Variants in ARID4B observed in about 807,000 individuals in gnomAD.
ARID4B encodes AT-rich interactive domain-containing protein 4B.
A neutral mutation model predicts 147.5 loss-of-function variants in ARID4B; 26 were observed. The observed-to-expected ratio is 0.18, with a 90% CI of 0.13 to 0.24. The LOEUF (loss-of-function observed/expected upper bound fraction) is 0.24, where lower values mean the gene tolerates loss of function less well. Ranked by LOEUF, ARID4B falls within the 10% of genes least tolerant of loss-of-function variation. The probability of loss-of-function intolerance (pLI) is 1.00; values close to 1 mark genes in which losing one functional copy is unlikely to be tolerated. For missense variants in ARID4B, 1,179 were observed against 1,511.5 expected (o/e 0.78, Z 3.65); for synonymous variants, 512 against 507.9 (o/e 1.01, Z -0.11).
At chr1:235,278,760 T>C (rs1039546743) in intron 2 of ARID4B, among the ~76,000 whole-genome samples, 2 of 152,194 alleles carry the variant, frequency 1.3e-5, no homozygotes, top group African/African-American at 4.8e-5. Context: ...AATGAAGTCT[T>C]CAATTGTCCT....
chr1:235,321,182 T>G (rs1383005889), intron 2 of ARID4B, among the ~76,000 whole-genome samples: 1 of 152,352 alleles, frequency 6.6e-6, no homozygotes, highest in South Asian at 2.1e-4. Flanking sequence ...CCTAGTATTT[T>G]TTTTAATTAC....
At chr1:235,178,031 T>C (rs7534107) in intron 20 of ARID4B, 118 bp from the exon 21 acceptor site, 57,651 of 511,950 alleles carry the variant, frequency 0.11, 3,851 homozygotes, top group African/African-American at 0.2. Context: ...TTATGACATT[T>C]ATAAGTTGTC....
intron 2 of ARID4B, among the ~76,000 whole-genome samples, chr1:235,313,399 T>C (rs1412515710): frequency 3.3e-5 from 5 of 152,134 alleles, no homozygotes; most frequent in Admixed American, 6.5e-5. Context: ...TTGACAGCAA[T>C]AGTGGCTCCT....
chr1:235,171,861 C>T (rs1457551841), intron 23 of ARID4B, among the ~76,000 whole-genome samples: 2 of 152,086 alleles, frequency 1.3e-5, no homozygotes, highest in African/African-American at 4.8e-5. Flanking sequence ...AAGCTGGTCT[C>T]GACCTCCTGA....
chr1:235,229,882 C>T (rs151042192), intron 10 of ARID4B, among the ~76,000 whole-genome samples: 170 of 152,278 alleles, frequency 1.1e-3, no homozygotes, highest in African/African-American at 3.9e-3. Flanking sequence ...ATTAGCTAGA[C>T]ACAATTATTC....
intron 16 of ARID4B, 92 bp from the exon 17 acceptor site, chr1:235,214,118 T>C: frequency 6.8e-7 from 1 of 1,462,880 alleles, no homozygotes. Context: ...GTTGTGGCTG[T>C]GATTGTTCCA....
chr1:235,242,549 G>A (rs1269151010), intron 7 of ARID4B, among the ~76,000 whole-genome samples: 1 of 151,986 alleles, frequency 6.6e-6, no homozygotes, highest in Non-Finnish European at 1.5e-5. Flanking sequence ...TTCAGCTAGG[G>A]GTTTATGAAC....
chr1:235,326,130 G>A (rs1675225866), intron 2 of ARID4B, among the ~76,000 whole-genome samples: 1 of 151,004 alleles, frequency 6.6e-6, no homozygotes, highest in South Asian at 2.1e-4. Context: ...AAAATCTAAG[G>A]TTTTATTCTA....
At chr1:235,193,110 C>A (rs7512798) in intron 19 of ARID4B, among the ~76,000 whole-genome samples, 69,173 of 150,284 alleles carry the variant, frequency 0.46, 16,251 homozygotes, top group South Asian at 0.61. Context: ...AAAAAAAAAG[C>A]AGTCAGTCCA....
intron 6 of ARID4B, among the ~76,000 whole-genome samples, chr1:235,251,658 TATTA>T (rs1669654105): frequency 6.6e-6 from 1 of 151,736 alleles, no homozygotes; most frequent in Non-Finnish European, 1.5e-5. Flanking sequence ...ATTAAAGTAA[TATTA>T]AAGTAATAAA....
chr1:235,204,481 G>A (rs1195382470), intron 17 of ARID4B, among the ~76,000 whole-genome samples: 1 of 152,074 alleles, frequency 6.6e-6, no homozygotes, highest in Non-Finnish European at 1.5e-5. Context: ...TTATAGCATA[G>A]TCATATTTAA....
chr1:235,184,746 T>G (rs1448674335), intron 19 of ARID4B, among the ~76,000 whole-genome samples: 1 of 152,234 alleles, frequency 6.6e-6, no homozygotes, highest in East Asian at 1.9e-4. Flanking sequence ...AAATCTGTTT[T>G]TCCACCTCCA....
chr1:235,187,686 G>A (rs1400227353), intron 19 of ARID4B, among the ~76,000 whole-genome samples: 3 of 151,886 alleles, frequency 2.0e-5, no homozygotes, highest in East Asian at 3.9e-4. Flanking sequence ...ACTCACAAGG[G>A]GCATCAAATT....
intron 2 of ARID4B, among the ~76,000 whole-genome samples, chr1:235,265,621 C>T (rs1558260135): frequency 6.6e-6 from 1 of 151,930 alleles, no homozygotes; most frequent in Non-Finnish European, 1.5e-5. Flanking sequence ...ACCACTTCAG[C>T]CTGAGAGACT....
intron 2 of ARID4B, among the ~76,000 whole-genome samples, chr1:235,287,094 T>C (rs1672022172): frequency 6.6e-6 from 1 of 152,094 alleles, no homozygotes; most frequent in Admixed American, 6.5e-5. Flanking sequence ...ACCCTGTCTC[T>C]ACTAAAAATG....
Position 235,326,894 on chromosome 1 carries a change from T to C in ARID4B, c.6+20A>G, listed in dbSNP as rs139681730. ...TGAATTCGATAACCCCAGAGATTCG[T>C]TTTCCGCAGGCAATCTTACCTTCAT... is the stretch of plus-strand genomic sequence containing the variant. On this transcript the variant is annotated intron_variant, in intron 2 of 23. Coordinates refer to ENST00000264183, the MANE Select transcript of ARID4B (RefSeq NM_016374.6). The C allele has an allele frequency of 4.0e-4, 643 of 1,613,812 alleles. 6 individuals carry two copies. The East Asian group carries it at 0.012, about 30-fold the overall frequency.
chr1:235,281,827 T>C (rs1347029429), intron 2 of ARID4B, among the ~76,000 whole-genome samples: 6 of 152,218 alleles, frequency 3.9e-5, no homozygotes, highest in Admixed American at 2.0e-4. Flanking sequence ...TAAAAACCTG[T>C]TCTTTATACA....
intron 17 of ARID4B, among the ~76,000 whole-genome samples, chr1:235,211,997 C>T (rs960852845): frequency 6.6e-6 from 1 of 152,086 alleles, no homozygotes; most frequent in Non-Finnish European, 1.5e-5. Context: ...ACAGCTGACA[C>T]CCGTAATCCC....
At chr1:235,265,021 T>C (rs1255708542) in intron 2 of ARID4B, among the ~76,000 whole-genome samples, 14 of 147,174 alleles carry the variant, frequency 9.5e-5, no homozygotes, top group Middle Eastern at 7.3e-3. Context: ...GATCATGCCG[T>C]TGCACTCCAG....
Sources: allele counts gnomAD v4.1 joint callset (sites outside exome capture counted in the v4.1 genomes callset), GRCh38; gene constraint gnomAD v4.1.1; transcripts MANE v1.5; gene names NCBI Gene and HGNC (gene_info 2026-07-23, HGNC 2026-07-21).